The following LOXHD1 variants were observed in gnomAD, a reference collection of about 807,000 sequenced individuals.
The protein encoded by LOXHD1 is lipoxygenase homology domain-containing protein 1.
In LOXHD1, 205 loss-of-function variants were observed where a neutral mutation model predicts 248.2. The ratio of observed to expected loss-of-function variants is 0.83; its 90% CI spans 0.74 to 0.93. The LOEUF is 0.93. Ranked by LOEUF, LOXHD1 falls within the 40% of genes least tolerant of loss-of-function variation. The pLI, the probability that LOXHD1 is intolerant of heterozygous loss-of-function variation, is 0.00. For synonymous variants in LOXHD1, 1,113 were observed against 1,162.8 expected, an observed-to-expected ratio of 0.96 and a Z score of 0.87; for missense variants, 2,930 against 2,971.6, an observed-to-expected ratio of 0.99 and a Z score of 0.33.
chr18:46,530,428 A>C (rs2036013125), intron 28 of LOXHD1, among the ~76,000 whole-genome samples: 1 of 152,096 alleles, frequency 6.6e-6, no homozygotes, highest in Non-Finnish European at 1.5e-5. Flanking sequence ...TTCATGCAGG[A>C]GTGTTTCTGG....
intron 12 of LOXHD1, among the ~76,000 whole-genome samples, chr18:46,590,154 A>C (rs1165038497): frequency 6.6e-6 from 1 of 152,024 alleles, no homozygotes; most frequent in East Asian, 1.9e-4. Context: ...AGCAGCATAG[A>C]TATTACCTGT....
At chr18:46,580,969 A>G (rs927980150) in intron 12 of LOXHD1, among the ~76,000 whole-genome samples, 4 of 152,236 alleles carry the variant, frequency 2.6e-5, no homozygotes, top group Non-Finnish European at 4.4e-5. Flanking sequence ...AGCTGGATAC[A>G]TGGGGTGTAG....
Position 46,538,345 on chromosome 18 carries a change from T to C in LOXHD1, c.3914-8A>G. 6.5e-7 allele frequency: 1 copy of C among 1,542,372 alleles called. No individual in the cohort carries two copies. Among genetic ancestry groups the C allele is most frequent in the South Asian group, 1.2e-5 (1 of 83,860 alleles). On this transcript the variant is annotated splice_polypyrimidine_tract_variant and splice_region_variant and intron_variant, in intron 25 of 40. Transcript: ENST00000642948. The stretch of plus-strand genomic sequence containing the variant: ...TGATCTCGTAAGGAACAACTGAGGG[T>C]GGTGGTCAGAGGGCAAAGCCAGAGT...
chr18:46,509,897 T>C, intron 34 of LOXHD1, 82 bp from the exon 35 acceptor site: 1 of 1,015,098 alleles, frequency 9.9e-7, no homozygotes, highest in South Asian at 1.4e-5. Context: ...AGGCCAGGTT[T>C]GGGGTGAGGG....
At chr18:46,485,396 C>T (rs1417279773) in intron 38 of LOXHD1, among the ~76,000 whole-genome samples, 4 of 151,820 alleles carry the variant, frequency 2.6e-5, no homozygotes, top group African/African-American at 4.8e-5. Context: ...AATATGGGAG[C>T]CACTGGGAAT....
intron 4 of LOXHD1, among the ~76,000 whole-genome samples, chr18:46,637,640 A>G (rs545717147): frequency 6.6e-6 from 1 of 152,294 alleles, no homozygotes; most frequent in South Asian, 2.1e-4. Context: ...AAACACACAC[A>G]CACACATAAA....
chr18:46,628,225 G>A (rs2038771458), intron 4 of LOXHD1, among the ~76,000 whole-genome samples: 1 of 152,190 alleles, frequency 6.6e-6, no homozygotes, highest in Non-Finnish European at 1.5e-5. Context: ...TCTCTGATGT[G>A]CCACAACAGG....
Position 46,477,561 on chromosome 18 carries a change from CG to C in LOXHD1, c.6732del (p.Gly2245AlafsTer39). On this transcript the variant is annotated frameshift_variant, in exon 41 of 41. Transcript: ENST00000642948. LOFTEE classifies it high-confidence loss of function. ...VEKVEVTNTS[T>X]GVATIFNCGR... Reference sequence around the variant, plus strand: ...CCACAGTTGAAGATGGTGGCCACGCCGGTGCTGGTGTTGGTGACCTCCACCT... The same window carrying C: ...CCACAGTTGAAGATGGTGGCCACGCCGTGCTGGTGTTGGTGACCTCCACCT... The C allele has an allele frequency of 6.4e-7, 1 of 1,551,720 alleles. No homozygotes were observed. The highest frequency in any genetic ancestry group is 2.0e-5 in the Admixed American group (1 of 51,018).
chr18:46,630,779 G>C (rs149143006), intron 4 of LOXHD1, among the ~76,000 whole-genome samples: 116 of 149,096 alleles, frequency 7.8e-4, no homozygotes, highest in Middle Eastern at 6.9e-3. Context: ...ATGGGGGGGG[G>C]TGTGAAATCA....
intron 12 of LOXHD1, among the ~76,000 whole-genome samples, chr18:46,582,901 C>T (rs1258608867): frequency 6.6e-6 from 1 of 152,082 alleles, no homozygotes; most frequent in Non-Finnish European, 1.5e-5. Flanking sequence ...ATGATCAGGG[C>T]TTGTATGGCT....
rs200198786 is a variant in LOXHD1 at position 46,477,797 on chromosome 18, G to C, written c.6497C>G (p.Pro2166Arg). 4.3e-5 allele frequency: 66 copies of C among 1,551,732 alleles called. No homozygotes were observed. Among genetic ancestry groups the C allele is most frequent in the Non-Finnish European group, 5.1e-5 (59 of 1,147,028 alleles). The change falls in exon 41 of 41, where the codon CCA (proline) becomes CGA (arginine). Residue 2166 changes from proline to arginine, a missense_variant. Pro to Arg is a moderately radical substitution (Grantham distance 103). Coordinates refer to ENST00000642948, the MANE Select transcript of LOXHD1 (RefSeq NM_001384474.1). ...YEVIVTTGYE[P>R]GAGTDANVFV... ...GACGTTGGCATCAGTGCCTGCCCCT[G>C]GCTCATAGCCTGTTGTCACGATGAC...
At chr18:46,600,610 AG>A (rs1485157355) in intron 8 of LOXHD1, among the ~76,000 whole-genome samples, 10 of 139,248 alleles carry the variant, frequency 7.2e-5, no homozygotes, top group Non-Finnish European at 1.2e-4. Context: ...AAAAAAAGGA[AG>A]GAAGGAAGGA....
intron 4 of LOXHD1, among the ~76,000 whole-genome samples, chr18:46,628,871 G>A (rs1403825521): frequency 6.6e-6 from 1 of 152,206 alleles, no homozygotes; most frequent in Non-Finnish European, 1.5e-5. Flanking sequence ...AGAAAATAGA[G>A]GCACAGAGCT....
intron 14 of LOXHD1, among the ~76,000 whole-genome samples, chr18:46,576,523 C>T (rs1286456267): frequency 2.0e-5 from 3 of 152,204 alleles, no homozygotes; most frequent in Admixed American, 6.5e-5. Context: ...CTCCCTCTGT[C>T]CACTCTCTGA....
chr18:46,653,423 T>TATATACAATA (rs2039138050), intron 1 of LOXHD1, among the ~76,000 whole-genome samples: 1 of 152,274 alleles, frequency 6.6e-6, no homozygotes, highest in Non-Finnish European at 1.5e-5. Context: ...ATAAGTTTTG[T>TATATACAATA]TCTGTATATA....
At chr18:46,600,625 A>G (rs143622015) in intron 8 of LOXHD1, among the ~76,000 whole-genome samples, 3,882 of 85,164 alleles carry the variant, frequency 0.046, 190 homozygotes, top group African/African-American at 0.16. Flanking sequence ...GGAAGGAAGG[A>G]AGGGAGGGAG....
In LOXHD1 at chr18:46,524,899, C is replaced by T. The variant is rs568432900; in HGVS notation, c.4549G>A (p.Glu1517Lys). The change falls in exon 30 of 41, where the codon GAG (glutamate) becomes AAG (lysine). Residue 1517 changes from glutamate (E) to lysine (K), a missense_variant. Transcript: ENST00000642948. ...ERGTADTFII[E>K]AADLGVIYKI... The stretch of plus-strand genomic sequence containing the variant: ...TAGATGACGCCTAGGTCAGCGGCCT[C>T]GATGATGAAGGTGTCAGCCTGGGGA... The T allele has an allele frequency of 4.3e-5, 67 of 1,551,676 alleles. No homozygotes were observed. The highest frequency in any genetic ancestry group is 3.4e-4 in the East Asian group (14 of 40,914).
chr18:46,562,836 C>T (rs141680020), intron 18 of LOXHD1, among the ~76,000 whole-genome samples: 249 of 152,254 alleles, frequency 1.6e-3, no homozygotes, highest in African/African-American at 5.3e-3. Flanking sequence ...TCTTAAAGCT[C>T]CCCAGGTGAC....
intron 18 of LOXHD1, among the ~76,000 whole-genome samples, chr18:46,561,380 G>A (rs566764854): frequency 1.3e-5 from 2 of 152,330 alleles, no homozygotes; most frequent in African/African-American, 4.8e-5. Context: ...TCTAGATCAT[G>A]AGACCTGAGC....
Sources: allele counts gnomAD v4.1 joint callset (sites outside exome capture counted in the v4.1 genomes callset), GRCh38; gene constraint gnomAD v4.1.1; transcripts MANE v1.5; gene names NCBI Gene and HGNC (gene_info 2026-07-23, HGNC 2026-07-21).